The following FHIT variants were observed in gnomAD, a reference collection of about 807,000 sequenced individuals.
The protein encoded by FHIT is fragile histidine triad diadenosine triphosphatase.
Under a neutral mutation model 17.9 loss-of-function variants are expected in FHIT, and 19 were observed. The observed-to-expected ratio is 1.06, with a 90% CI of 0.74 to 1.56. The LOEUF is 1.56. FHIT is among the 40% of genes most tolerant of loss of function. The pLI is 0.00. For synonymous variants in FHIT, 81 were observed against 69.7 expected (o/e 1.16, Z -0.81); for missense variants, 248 against 189.2 (o/e 1.31, Z -1.82).
chr3:60,749,072 C>G (rs2042416764), intron 4 of FHIT, among the ~76,000 whole-genome samples: 1 of 152,030 alleles, frequency 6.6e-6, no homozygotes, highest in African/African-American at 2.4e-5. Flanking sequence ...AAAGAATAAG[C>G]AGGTTTCTAC....
chr3:60,997,104 C>A (rs1240399174), intron 3 of FHIT, among the ~76,000 whole-genome samples: 1 of 152,194 alleles, frequency 6.6e-6, no homozygotes, highest in Non-Finnish European at 1.5e-5. Context: ...ACTCTTTGGT[C>A]TGTTGTTGCT....
chr3:61,215,944 G>C (rs1347817044), intron 1 of FHIT, among the ~76,000 whole-genome samples: 1 of 151,726 alleles, frequency 6.6e-6, no homozygotes, highest in Non-Finnish European at 1.5e-5. Flanking sequence ...CTAGCCATAT[G>C]TAGAAAGCTG....
intron 3 of FHIT, among the ~76,000 whole-genome samples, chr3:60,983,135 T>TCTTG (rs546728177): frequency 1.3e-5 from 2 of 148,850 alleles, no homozygotes; most frequent in African/African-American, 5.0e-5. Flanking sequence ...ACCTTCTCTC[T>TCTTG]TGTGTGTGTG....
chr3:60,989,898 G>A (rs967848453), intron 3 of FHIT, among the ~76,000 whole-genome samples: 3 of 152,204 alleles, frequency 2.0e-5, no homozygotes, highest in African/African-American at 4.8e-5. Context: ...GGAAGGAAGA[G>A]ATGAATGTGC....
chr3:59,921,226 G>A (rs997144832), intron 8 of FHIT, among the ~76,000 whole-genome samples: 1 of 152,154 alleles, frequency 6.6e-6, no homozygotes, highest in Non-Finnish European at 1.5e-5. Context: ...ATTAACTGCT[G>A]ACCTATTGTT....
intron 2 of FHIT, among the ~76,000 whole-genome samples, chr3:61,072,723 T>A (rs1014311219): frequency 2.0e-5 from 3 of 152,138 alleles, no homozygotes; most frequent in African/African-American, 7.2e-5. Flanking sequence ...TGAACTAGGA[T>A]TTCTATTACT....
intron 4 of FHIT, among the ~76,000 whole-genome samples, chr3:60,761,186 T>G (rs547645657): frequency 6.6e-6 from 1 of 152,212 alleles, no homozygotes; most frequent in South Asian, 2.1e-4. Context: ...CAGCAAGAAT[T>G]AGAATTGCAA....
chr3:60,210,670 G>A (rs1159212693), intron 5 of FHIT, among the ~76,000 whole-genome samples: 2 of 152,098 alleles, frequency 1.3e-5, no homozygotes, highest in Non-Finnish European at 2.9e-5. Context: ...CTGTTAATAT[G>A]ACAAATGCAA....
intron 5 of FHIT, among the ~76,000 whole-genome samples, chr3:60,403,000 G>A (rs2107195921): frequency 6.6e-6 from 1 of 152,250 alleles, no homozygotes; most frequent in East Asian, 1.9e-4. Flanking sequence ...ATTTCACAGA[G>A]ATACCAATAG....
chr3:60,471,643 C>A (rs1158271232), intron 5 of FHIT, among the ~76,000 whole-genome samples: 1 of 152,194 alleles, frequency 6.6e-6, no homozygotes. Context: ...TTCAGTGCCT[C>A]TTTCCTTAAT....
intron 7 of FHIT, among the ~76,000 whole-genome samples, chr3:59,940,785 A>G (rs560042408): frequency 3.4e-4 from 52 of 152,336 alleles, no homozygotes; most frequent in Admixed American, 8.5e-4. Flanking sequence ...ATGAAATAAT[A>G]CATGAAAACC....
rs1444393916 is a variant in FHIT, at chr3:61,060,362, G to A, written c.-163-18263C>T. ...GAACCTATCAATGACATTAAGTAAG[G>A]ACTTACTGTACTTTACTATAGCTGA... On this transcript the variant is annotated intron_variant, in intron 2 of 9. Transcript: ENST00000492590. Among the ~76,000 whole-genome samples, 6 of 152,096 alleles carry A rather than the reference G, an allele frequency of 3.9e-5. No homozygotes were observed. In the East Asian group the frequency reaches 1.2e-3, roughly 29 times the overall value.
chr3:60,037,427 C>T (rs1257336601), intron 5 of FHIT, among the ~76,000 whole-genome samples: 4 of 146,900 alleles, frequency 2.7e-5, no homozygotes, highest in African/African-American at 5.1e-5. Context: ...CTTGCTCTGT[C>T]GCCCGAGTGC....
intron 7 of FHIT, among the ~76,000 whole-genome samples, chr3:60,006,114 C>T (rs182075373): frequency 6.6e-6 from 1 of 152,222 alleles, no homozygotes; most frequent in African/African-American, 2.4e-5. Context: ...AGTACTCTAT[C>T]GATTTGTAAC....
chr3:60,741,555 T>C (rs989592659), intron 4 of FHIT, among the ~76,000 whole-genome samples: 14 of 152,220 alleles, frequency 9.2e-5, no homozygotes, highest in Non-Finnish European at 1.9e-4. Context: ...CAACTGATAA[T>C]ACACACTTTA....
intron 5 of FHIT, among the ~76,000 whole-genome samples, chr3:60,186,590 G>A (rs1047989866): frequency 2.6e-4 from 40 of 152,136 alleles, no homozygotes; most frequent in Admixed American, 2.4e-3. Flanking sequence ...CAGTCATAAC[G>A]GAGGTGGGCT....
At chr3:60,349,375 A>G (rs1710964606) in intron 5 of FHIT, among the ~76,000 whole-genome samples, 1 of 152,144 alleles carries the variant, frequency 6.6e-6, no homozygotes, top group South Asian at 2.1e-4. Context: ...AGTGCATTAC[A>G]TAAAAGAAAT....
At chr3:61,159,584 T>C (rs2037629235) in intron 2 of FHIT, among the ~76,000 whole-genome samples, 1 of 152,200 alleles carries the variant, frequency 6.6e-6, no homozygotes. Context: ...TCAAAGTCCA[T>C]GGATGGATTT....
intron 4 of FHIT, among the ~76,000 whole-genome samples, chr3:60,746,317 G>C (rs2042355395): frequency 6.6e-6 from 1 of 152,200 alleles, no homozygotes; most frequent in South Asian, 2.1e-4. Flanking sequence ...TATGATTCAA[G>C]ATTTGGGAGA....
Sources: allele counts gnomAD v4.1 joint callset (sites outside exome capture counted in the v4.1 genomes callset), GRCh38; gene constraint gnomAD v4.1.1; transcripts MANE v1.5; gene names NCBI Gene and HGNC (gene_info 2026-07-23, HGNC 2026-07-21).